Variants in PDE3A observed in about 807,000 individuals in gnomAD.
PDE3A encodes cGMP-inhibited 3',5'-cyclic phosphodiesterase 3A.
A neutral mutation model predicts 98.3 loss-of-function variants in PDE3A; 43 were observed. The observed-to-expected ratio is 0.44, with a 90% CI of 0.34 to 0.56. The LOEUF is 0.56. Ranked by LOEUF, PDE3A falls within the 20% of genes least tolerant of loss-of-function variation. The probability of loss-of-function intolerance (pLI) is 0.01; values close to 1 mark genes in which losing one functional copy is unlikely to be tolerated. For missense variants in PDE3A, 1,427 were observed against 1,440.7 expected, an observed-to-expected ratio of 0.99 and a Z score of 0.15; for synonymous variants, 663 against 567.9, an observed-to-expected ratio of 1.17 and a Z score of -2.38.
intron 2 of PDE3A, among the ~76,000 whole-genome samples, chr12:20,587,158 A>C (rs1943217983): frequency 6.6e-6 from 1 of 152,174 alleles, no homozygotes; most frequent in South Asian, 2.1e-4. Context: ...TCATGAGGTC[A>C]GGAGTTCGAG....
chr12:20,618,798 AT>A (rs770642458), intron 4 of PDE3A, among the ~76,000 whole-genome samples: 3 of 152,076 alleles, frequency 2.0e-5, no homozygotes, highest in Non-Finnish European at 4.4e-5. Flanking sequence ...TGACCTTGGA[AT>A]TGACCCCTGC....
intron 1 of PDE3A, among the ~76,000 whole-genome samples, chr12:20,402,216 C>T (rs1347330785): frequency 6.6e-6 from 1 of 152,080 alleles, no homozygotes; most frequent in Admixed American, 6.5e-5. Context: ...GTGGCACGAC[C>T]TTGGCTCACT....
chr12:20,405,513 G>T (rs1396161665), intron 1 of PDE3A, among the ~76,000 whole-genome samples: 1 of 152,040 alleles, frequency 6.6e-6, no homozygotes. Flanking sequence ...TCACAGTTTA[G>T]CATTTCCTTA....
At chr12:20,398,104 C>T (rs7964191) in intron 1 of PDE3A, among the ~76,000 whole-genome samples, 116,147 of 147,982 alleles carry the variant, frequency 0.78, 45,503 homozygotes, top group East Asian at 0.98. Flanking sequence ...CTAACGTTTT[C>T]TGGCTGGGGC....
chr12:20,621,980 A>G (rs1329768090), intron 5 of PDE3A, among the ~76,000 whole-genome samples: 3 of 152,088 alleles, frequency 2.0e-5, no homozygotes, highest in Non-Finnish European at 2.9e-5. Context: ...TAGAAGCCCA[A>G]TTAAGAACCT....
At chr12:20,625,772 G>T (rs1396806394) in intron 5 of PDE3A, among the ~76,000 whole-genome samples, 1 of 152,074 alleles carries the variant, frequency 6.6e-6, no homozygotes, top group Non-Finnish European at 1.5e-5. Flanking sequence ...CAGGAACAAG[G>T]AATTAAAGGC....
chr12:20,531,178 T>C (rs1941589283), intron 1 of PDE3A, among the ~76,000 whole-genome samples: 1 of 152,216 alleles, frequency 6.6e-6, no homozygotes, highest in African/African-American at 2.4e-5. Context: ...TTTATTCTAC[T>C]AACCTCAGCA....
intron 1 of PDE3A, among the ~76,000 whole-genome samples, chr12:20,531,076 A>C (rs1028350839): frequency 6.6e-6 from 1 of 152,154 alleles, no homozygotes; most frequent in Non-Finnish European, 1.5e-5. Flanking sequence ...CTATCAGGAC[A>C]TAGTTATGAC....
intron 1 of PDE3A, among the ~76,000 whole-genome samples, chr12:20,434,170 C>CTTT (rs58536656): frequency 1.4e-5 from 2 of 147,588 alleles, no homozygotes; most frequent in Non-Finnish European, 3.0e-5. Context: ...TTGAAGGTGA[C>CTTT]TTTTTTTTTT....
chr12:20,484,943 G>C (rs980465566), intron 1 of PDE3A, among the ~76,000 whole-genome samples: 3 of 152,114 alleles, frequency 2.0e-5, no homozygotes, highest in African/African-American at 7.2e-5. Flanking sequence ...AATGAGTCTT[G>C]AGAAAATACC....
At chr12:20,422,268 C>T (rs569032929) in intron 1 of PDE3A, among the ~76,000 whole-genome samples, 13 of 151,796 alleles carry the variant, frequency 8.6e-5, no homozygotes, top group Middle Eastern at 3.4e-3. Context: ...GGCGTGAACC[C>T]GGGAAGTGGA....
In PDE3A at chr12:20,621,326, G is replaced by T. The variant is rs776883673; in HGVS notation, c.1455G>T (p.Met485Ile). The T allele has an allele frequency of 6.2e-7, 1 of 1,606,364 alleles. No individual in the cohort carries two copies. Among genetic ancestry groups the T allele is most frequent in the Admixed American group, 1.7e-5 (1 of 59,952 alleles). The part of the protein sequence containing the change: ...SPDSWNNPVM[M>I]TLTKSRSFTS... ...ATTCTTGGAATAATCCAGTGATGATGACCCTCACCAAAAGCAGATCCTTTA... is the reference window on the plus strand; with the variant it reads ...ATTCTTGGAATAATCCAGTGATGATTACCCTCACCAAAAGCAGATCCTTTA... Residue 485 changes from methionine (M) to isoleucine (I), a missense_variant, in exon 5 of 16, where the codon ATG becomes ATT. By Grantham distance (10) the Met-to-Ile change is conservative. This residue lies in a region of PDE3A where 1,012 missense variants were observed against 886.5 expected (regional missense o/e 1.14). Coordinates refer to ENST00000359062, the MANE Select transcript of PDE3A (RefSeq NM_000921.5).
intron 14 of PDE3A, among the ~76,000 whole-genome samples, chr12:20,652,301 G>A (rs1434475764): frequency 6.6e-6 from 1 of 152,188 alleles, no homozygotes; most frequent in African/African-American, 2.4e-5. Context: ...GGATGGCTGG[G>A]TCAAATGGTA....
At chr12:20,374,492 T>C (rs971896381) in intron 1 of PDE3A, among the ~76,000 whole-genome samples, 2 of 151,946 alleles carry the variant, frequency 1.3e-5, no homozygotes, top group African/African-American at 4.8e-5. Context: ...TTGAAAAGCC[T>C]TGGGGGAGGG....
At position 20,688,036 on chromosome 12, in the gene PDE3A, G is replaced by A. The variant is rs1366008730; in HGVS notation, c.*7765G>A. Among the ~76,000 whole-genome samples the A allele has an allele frequency of 6.6e-6, 1 of 150,640 alleles. No homozygotes were observed. Among genetic ancestry groups the A allele is most frequent in the Non-Finnish European group, 1.5e-5 (1 of 67,706 alleles). The stretch of plus-strand genomic sequence containing the variant: ...TTAATTAACTAAATTTACTGTTTCT[G>A]AAAAGCAATATTTTCAAATAACTGC... On this transcript the variant is annotated 3_prime_UTR_variant, in exon 16 of 16. Coordinates refer to ENST00000359062, the MANE Select transcript of PDE3A (RefSeq NM_000921.5).
At chr12:20,536,361 C>A (rs1941747954) in intron 1 of PDE3A, among the ~76,000 whole-genome samples, 1 of 147,516 alleles carries the variant, frequency 6.8e-6, no homozygotes, top group African/African-American at 2.5e-5. Flanking sequence ...TGTGTGTGTG[C>A]ATAGAGGTAT....
intron 1 of PDE3A, among the ~76,000 whole-genome samples, chr12:20,407,537 G>C (rs1944254093): frequency 6.6e-6 from 1 of 152,112 alleles, no homozygotes; most frequent in Admixed American, 6.5e-5. Flanking sequence ...CCCATATACT[G>C]TAGCTGATTA....
intron 1 of PDE3A, among the ~76,000 whole-genome samples, chr12:20,488,730 C>T (rs1023744833): frequency 1.3e-5 from 2 of 151,980 alleles, no homozygotes; most frequent in Admixed American, 6.6e-5. Flanking sequence ...CTCGAGTATA[C>T]TGTAGGTACA....
intron 1 of PDE3A, among the ~76,000 whole-genome samples, chr12:20,386,355 G>A (rs1275276358): frequency 6.8e-6 from 1 of 147,732 alleles, no homozygotes; most frequent in Non-Finnish European, 1.5e-5. Context: ...ATCTCAATGT[G>A]GTTTTGGTTT....
Sources: gnomAD v4.1 joint callset for allele counts (sites outside exome capture counted in the v4.1 genomes callset) on GRCh38, gnomAD v4.1.1 for gene constraint, gnomAD v4.1.1 regional missense constraint, MANE v1.5 for transcripts, NCBI Gene and HGNC (gene_info 2026-07-23, HGNC 2026-07-21) for gene names.